Variants in BAG3 observed in about 807,000 individuals in gnomAD.
BAG3 encodes the protein BAG family molecular chaperone regulator 3.
Under a neutral mutation model 40.5 loss-of-function variants are expected in BAG3, and 14 were observed. The ratio of observed to expected loss-of-function variants is 0.35; its 90% confidence interval spans 0.23 to 0.54. The LOEUF is 0.54. BAG3 is among the 20% of genes least tolerant of loss of function. The probability of loss-of-function intolerance (pLI) is 0.91; values close to 1 mark genes in which losing one functional copy is unlikely to be tolerated. For missense variants in BAG3, 788 were observed against 758.6 expected (o/e 1.04, Z -0.46); for synonymous variants, 302 against 307.8 (o/e 0.98, Z 0.20).
chr10:119,654,132 G>T (rs1454538107), intron 1 of BAG3, among the ~76,000 whole-genome samples: 1 of 152,230 alleles, frequency 6.6e-6, no homozygotes, highest in Admixed American at 6.5e-5. Flanking sequence ...ATATCAGGTT[G>T]CACTTGTGTG....
chr10:119,665,291 C>T (rs1847049423), intron 1 of BAG3, among the ~76,000 whole-genome samples: 2 of 150,166 alleles, frequency 1.3e-5, no homozygotes, highest in African/African-American at 4.8e-5. Flanking sequence ...TGCCTGCCAC[C>T]ATGCCCAGCT....
In BAG3 at chr10:119,677,449, CT is replaced by C; in HGVS notation, c.*171del. On this transcript the variant is annotated 3_prime_UTR_variant, in exon 4 of 4. Transcript: ENST00000369085. Reference sequence around the variant, plus strand: ...AAAAGGGCTAAAAAGGAAAATGATGCTTTTCTTCTATATTCTTACTCTGTAC... The same window carrying C: ...AAAAGGGCTAAAAAGGAAAATGATGCTTTCTTCTATATTCTTACTCTGTAC... 1.2e-6 allele frequency: 1 copy of C among 817,352 alleles called. No homozygotes were observed. Among genetic ancestry groups the C allele is most frequent in the Non-Finnish European group, 2.0e-6 (1 of 495,732 alleles). The allele number at this position is 817,352 out of a possible 1,614,324, so 50.6% of individuals were successfully genotyped here.
chr10:119,668,425 C>T (rs368561371), intron 1 of BAG3, among the ~76,000 whole-genome samples: 2 of 152,368 alleles, frequency 1.3e-5, no homozygotes, highest in East Asian at 3.9e-4. Flanking sequence ...CGTTTGTTCG[C>T]CGTGCAGACA....
At chr10:119,654,624 C>A (rs1373100388) in intron 1 of BAG3, among the ~76,000 whole-genome samples, 1 of 152,226 alleles carries the variant, frequency 6.6e-6, no homozygotes, top group Non-Finnish European at 1.5e-5. Context: ...CAGCCCCATT[C>A]TAAGCAGCTG....
intron 3 of BAG3, among the ~76,000 whole-genome samples, chr10:119,673,579 T>C (rs1847181120): frequency 6.6e-6 from 1 of 152,206 alleles, no homozygotes; most frequent in South Asian, 2.1e-4. Context: ...GGCTGCAACT[T>C]GAGCAGCTGA....
intron 3 of BAG3, among the ~76,000 whole-genome samples, chr10:119,675,867 TGC>T (rs1693775081): frequency 3.5e-5 from 2 of 56,594 alleles, no homozygotes; most frequent in South Asian, 1.1e-3. Flanking sequence ...CCTTCCCCCT[TGC>T]CCCCTTCTCC....
intron 3 of BAG3, among the ~76,000 whole-genome samples, chr10:119,674,834 G>T (rs930722360): frequency 3.3e-5 from 5 of 151,856 alleles, no homozygotes; most frequent in Admixed American, 6.6e-5. Context: ...AGTTAACCAG[G>T]CATGTTGGTG....
chr10:119,670,220 G>A (rs370250076), intron 2 of BAG3, 43 bp downstream of exon 2: 60 of 1,573,844 alleles, frequency 3.8e-5, no homozygotes, highest in African/African-American at 8.1e-5. Context: ...GGAGCAAGCC[G>A]CTGTGCTTCC....
At chr10:119,652,047 C>T (rs890591345) in intron 1 of BAG3, among the ~76,000 whole-genome samples, 192 bp downstream of exon 1, 27 of 152,048 alleles carry the variant, frequency 1.8e-4, no homozygotes, top group African/African-American at 5.6e-4. Context: ...TCCGGACCCG[C>T]CCTTGACAGG....
At chr10:119,675,911 T>C (rs139363651) in intron 3 of BAG3, among the ~76,000 whole-genome samples, 1,080 of 6,146 alleles carry the variant, frequency 0.18, 137 homozygotes, top group Middle Eastern at 0.3. Context: ...CCCCCTTCCT[T>C]CCTTCCTTCC....
chr10:119,665,092 T>TGTGTGTGTGTGTGTGTGTGTGTG (rs34372634), intron 1 of BAG3, among the ~76,000 whole-genome samples: 1 of 87,970 alleles, frequency 1.1e-5, no homozygotes, highest in Non-Finnish European at 2.3e-5. Flanking sequence ...TAATTTTTGT[T>TGTGTGTGTGTGTGTGTGTGTGTG]TGTGTGTGTG....
In BAG3 at chr10:119,672,541, C is replaced by T. The variant is rs769034041; in HGVS notation, c.794C>T (p.Pro265Leu). Residue 265 changes from proline (P) to leucine (L), a missense_variant, in exon 3 of 4, where the codon CCG becomes CTG. Physicochemically the swap from Pro to Leu is moderately conservative, Grantham distance 98 (BLOSUM62 -3). Transcript: ENST00000369085. This position sits in a 1 kb window ranked among gnomAD's most constrained non-coding sequence, Gnocchi z 4.8. Reference sequence around the variant, plus strand: ...CCCCGGCCCCTGCGGGCGGCATCCCCGTTCAGGTCATCTGTCCAGGGTGCA... The same window carrying T: ...CCCCGGCCCCTGCGGGCGGCATCCCTGTTCAGGTCATCTGTCCAGGGTGCA... The part of the protein sequence containing the change: ...WEPRPLRAAS[P>L]FRSSVQGASS... The T allele has an allele frequency of 1.1e-5, 17 of 1,613,798 alleles. No individual in the cohort carries two copies. Among genetic ancestry groups the T allele is most frequent in the East Asian group, 2.2e-5 (1 of 44,788 alleles).
intron 1 of BAG3, among the ~76,000 whole-genome samples, chr10:119,669,431 T>C (rs2134062816): frequency 6.6e-6 from 1 of 152,288 alleles, no homozygotes; most frequent in Admixed American, 6.5e-5. Context: ...TGTGAGGGCC[T>C]TTTTGGAAAC....
Position 119,676,206 on chromosome 10 carries a change from A to C in BAG3, c.910-258A>C, listed in dbSNP as rs140985226. Among the ~76,000 whole-genome samples the C allele has an allele frequency of 3.9e-3, 597 of 152,028 alleles. 4 individuals are homozygous for C. The highest frequency in any genetic ancestry group is 0.014 in the African/African-American group (569 of 41,436). On this transcript the variant is annotated intron_variant, in intron 3 of 3. Transcript: ENST00000369085. ...CATTGCCATTAAGAATACCATCTAC[A>C]GAGAAATTCAGTGAGAGGTAATAGA... is the stretch of plus-strand genomic sequence containing the variant.
chr10:119,670,914 G>A (rs1207114642), intron 2 of BAG3, among the ~76,000 whole-genome samples: 5 of 152,172 alleles, frequency 3.3e-5, no homozygotes, highest in Non-Finnish European at 5.9e-5. Context: ...GTGTGCCAGC[G>A]TTGTTCCTGG....
At position 119,676,935 on chromosome 10, in the gene BAG3, G is replaced by T; in HGVS notation, c.1381G>T (p.Glu461Ter). The T allele has an allele frequency of 1.2e-6, 2 of 1,614,194 alleles. No homozygotes were observed. The highest frequency in any genetic ancestry group is 8.5e-7 in the Non-Finnish European group (1 of 1,180,024). ...YLMIEEYLTK[E>*]LLALDSVDPE... ...GATGATCGAAGAGTATTTGACCAAA[G>T]AGCTGCTGGCCCTGGATTCAGTGGA... Residue 461 changes from glutamate to a stop codon, truncating the protein, a stop_gained, in exon 4 of 4, where the codon GAG (glutamate) becomes TAG (stop). Transcript: ENST00000369085. LOFTEE classifies it high-confidence loss of function.
At chr10:119,659,388 G>A (rs1846961445) in intron 1 of BAG3, among the ~76,000 whole-genome samples, 1 of 152,200 alleles carries the variant, frequency 6.6e-6, no homozygotes, top group East Asian at 1.9e-4. Context: ...CTGTGAGGGG[G>A]GACATCAGCC....
Position 119,651,792 on chromosome 10 carries a change from C to T in BAG3, c.117C>T (p.Phe39=), listed in dbSNP as rs2134050608. The change falls in exon 1 of 4, where the codon TTC becomes TTT. Residue 39 remains phenylalanine, a synonymous_variant. Transcript: ENST00000369085. ...KIDPQTGWPF[F]VDHNSRTTTW... ...ACCCGCAGACCGGCTGGCCCTTCTTCGTGGACCACAACAGCCGCACCACTA... is the reference window on the plus strand; with the variant it reads ...ACCCGCAGACCGGCTGGCCCTTCTTTGTGGACCACAACAGCCGCACCACTA... The T allele has an allele frequency of 6.2e-7, 1 of 1,602,142 alleles. No homozygotes were observed. Among genetic ancestry groups the T allele is most frequent in the Non-Finnish European group, 8.5e-7 (1 of 1,174,940 alleles).
intron 1 of BAG3, among the ~76,000 whole-genome samples, chr10:119,662,947 G>A (rs1179328705): frequency 2.6e-5 from 4 of 152,146 alleles, no homozygotes; most frequent in Non-Finnish European, 4.4e-5. Flanking sequence ...CGCGGGAGGC[G>A]GAGGTTGCAA....
Sources: allele counts gnomAD v4.1 joint callset (sites outside exome capture counted in the v4.1 genomes callset), GRCh38; gene constraint gnomAD v4.1.1; non-coding constraint Gnocchi (gnomAD v3.1); transcripts MANE v1.5; gene names NCBI Gene and HGNC (gene_info 2026-07-23, HGNC 2026-07-21).